Variants in NKAIN2 observed in about 807,000 individuals in gnomAD.
NKAIN2 encodes the protein sodium/potassium-transporting ATPase subunit beta-1-interacting protein 2.
Under a neutral mutation model 32.6 loss-of-function variants are expected in NKAIN2, and 14 were observed. The observed-to-expected ratio is 0.43, with a 90% CI of 0.28 to 0.67. The LOEUF (loss-of-function observed/expected upper bound fraction) is 0.67, where lower values mean the gene tolerates loss of function less well. Ranked by LOEUF, NKAIN2 falls within the 30% of genes least tolerant of loss-of-function variation. NKAIN2 has a pLI of 0.17. For synonymous variants in NKAIN2, 80 were observed against 87.2 expected (o/e 0.92, Z 0.46); for missense variants, 198 against 258.3 (o/e 0.77, Z 1.60).
chr6:124,367,454 G>A (rs1296275101), intron 3 of NKAIN2, among the ~76,000 whole-genome samples: 3 of 152,060 alleles, frequency 2.0e-5, no homozygotes, highest in Admixed American at 2.0e-4. Flanking sequence ...CTCTCACGTC[G>A]ATTCCAGCAC....
intron 3 of NKAIN2, among the ~76,000 whole-genome samples, chr6:124,573,357 T>C (rs1169966253): frequency 6.6e-6 from 1 of 152,118 alleles, no homozygotes; most frequent in Non-Finnish European, 1.5e-5. Flanking sequence ...TACTCAATTA[T>C]TTCTTCCTTA....
chr6:124,248,038 T>C (rs1288271308), intron 1 of NKAIN2, among the ~76,000 whole-genome samples: 1 of 152,058 alleles, frequency 6.6e-6, no homozygotes, highest in Admixed American at 6.6e-5. Context: ...CCTTTTCTCC[T>C]TTAAACTGAT....
intron 1 of NKAIN2, among the ~76,000 whole-genome samples, chr6:124,250,613 C>G (rs1199348794): frequency 6.6e-6 from 1 of 151,912 alleles, no homozygotes; most frequent in Non-Finnish European, 1.5e-5. Context: ...ATCTTGCTAG[C>G]ATTTGGTCAA....
chr6:124,688,471 A>G (rs1453248447), intron 4 of NKAIN2, among the ~76,000 whole-genome samples: 1 of 152,092 alleles, frequency 6.6e-6, no homozygotes, highest in East Asian at 1.9e-4. Context: ...ATGAATCTGC[A>G]TTGAGACATC....
chr6:124,611,289 GAAGA>G (rs1361128033), intron 3 of NKAIN2, among the ~76,000 whole-genome samples: 4 of 152,088 alleles, frequency 2.6e-5, no homozygotes, highest in African/African-American at 9.7e-5. Context: ...TTACTTTGGA[GAAGA>G]AAGAGATTAA....
intron 3 of NKAIN2, among the ~76,000 whole-genome samples, chr6:124,571,576 T>C (rs1781129315): frequency 6.6e-6 from 1 of 152,140 alleles, no homozygotes; most frequent in African/African-American, 2.4e-5. Flanking sequence ...ATGTAAGAAG[T>C]GCCTTTCATC....
chr6:123,943,587 C>T (rs909895928), intron 1 of NKAIN2, among the ~76,000 whole-genome samples: 5 of 151,992 alleles, frequency 3.3e-5, no homozygotes, highest in African/African-American at 1.2e-4. Context: ...AATAAGTACC[C>T]ATGTCAATGG....
chr6:124,584,000 G>T (rs1781618140), intron 3 of NKAIN2, among the ~76,000 whole-genome samples: 1 of 152,088 alleles, frequency 6.6e-6, no homozygotes, highest in Non-Finnish European at 1.5e-5. Context: ...AACCAAAATG[G>T]ATTACAGTCT....
intron 2 of NKAIN2, among the ~76,000 whole-genome samples, chr6:124,336,339 A>T (rs1583068767): frequency 6.6e-6 from 1 of 152,190 alleles, no homozygotes; most frequent in Non-Finnish European, 1.5e-5. Flanking sequence ...GGCTTGTTAC[A>T]AATTTCAGCT....
rs193176139 is a variant in NKAIN2, at chr6:123,880,576, G to A, written c.54+76322G>A. ...CACACATCTCTATTTCAAGAACTGC[G>A]TATTTGAAAATAATAGTTTGGGCCT... On this transcript the variant is annotated intron_variant, in intron 1 of 6. Coordinates refer to ENST00000368417, the MANE Select transcript of NKAIN2 (RefSeq NM_001040214.3). Among the ~76,000 whole-genome samples the A allele has an allele frequency of 7.9e-5, 12 of 152,252 alleles. No individual in the cohort carries two copies. In the East Asian group the frequency reaches 1.2e-3, roughly 15 times the overall value.
At chr6:124,303,706 G>A (rs1243822503) in intron 2 of NKAIN2, among the ~76,000 whole-genome samples, 1 of 152,304 alleles carries the variant, frequency 6.6e-6, no homozygotes, top group Admixed American at 6.5e-5. Flanking sequence ...TATATGATCA[G>A]ATATAATAAT....
chr6:124,134,386 T>C (rs1786627733), intron 1 of NKAIN2, among the ~76,000 whole-genome samples: 2 of 152,084 alleles, frequency 1.3e-5, no homozygotes, highest in Non-Finnish European at 2.9e-5. Context: ...TGGCCAAACC[T>C]AAGAATAATT....
chr6:123,890,374 T>G (rs1025663671), intron 1 of NKAIN2, among the ~76,000 whole-genome samples: 1 of 151,916 alleles, frequency 6.6e-6, no homozygotes, highest in Admixed American at 6.6e-5. Flanking sequence ...AAAAAGGACA[T>G]CTTTCAAGTC....
intron 2 of NKAIN2, among the ~76,000 whole-genome samples, chr6:124,318,480 C>T (rs1797049995): frequency 6.6e-6 from 1 of 151,874 alleles, no homozygotes; most frequent in Non-Finnish European, 1.5e-5. Flanking sequence ...GTAAGGATGG[C>T]CTCTTGACAG....
intron 4 of NKAIN2, among the ~76,000 whole-genome samples, chr6:124,783,726 A>G (rs1028200939): frequency 6.6e-6 from 1 of 152,210 alleles, no homozygotes; most frequent in African/African-American, 2.4e-5. Flanking sequence ...TAACACTGAT[A>G]TAATCACATT....
chr6:124,812,415 A>G (rs1356787496), intron 5 of NKAIN2, among the ~76,000 whole-genome samples: 1 of 152,152 alleles, frequency 6.6e-6, no homozygotes, highest in Non-Finnish European at 1.5e-5. Flanking sequence ...TGAGCCAGAC[A>G]CTGTTCTGGG....
chr6:124,204,145 C>T (rs988844715), intron 1 of NKAIN2, among the ~76,000 whole-genome samples: 1 of 151,818 alleles, frequency 6.6e-6, no homozygotes, highest in East Asian at 1.9e-4. Context: ...AATCTCATTT[C>T]TGATTAAGTA....
intron 3 of NKAIN2, among the ~76,000 whole-genome samples, chr6:124,408,345 C>G (rs1358728050): frequency 6.6e-6 from 1 of 152,180 alleles, no homozygotes; most frequent in Non-Finnish European, 1.5e-5. Flanking sequence ...ACATGTAAGT[C>G]TTTAATCCAT....
intron 1 of NKAIN2, among the ~76,000 whole-genome samples, chr6:123,893,745 C>A (rs565454793): frequency 6.6e-6 from 1 of 152,288 alleles, no homozygotes; most frequent in African/African-American, 2.4e-5. Flanking sequence ...AAGTACAGAT[C>A]TATAATGTGA....
Sources: gnomAD v4.1 joint callset for allele counts (sites outside exome capture counted in the v4.1 genomes callset) on GRCh38, gnomAD v4.1.1 for gene constraint, MANE v1.5 for transcripts, NCBI Gene and HGNC (gene_info 2026-07-23, HGNC 2026-07-21) for gene names.